The following UBE2R2 variants were observed in gnomAD, a reference collection of about 807,000 sequenced individuals.
UBE2R2 encodes ubiquitin-conjugating enzyme E2 R2.
Under a neutral mutation model 27.8 loss-of-function variants are expected in UBE2R2, and 1 was observed. That is an observed-to-expected ratio of 0.04 (90% confidence interval 0.01 to 0.17). The LOEUF (loss-of-function observed/expected upper bound fraction) is 0.17. Ranked by LOEUF, UBE2R2 falls within the 10% of genes least tolerant of loss-of-function variation. UBE2R2 has a pLI of 1.00. For synonymous variants in UBE2R2, 106 were observed against 113.3 expected (o/e 0.94, Z 0.41); for missense variants, 100 against 291.0 (o/e 0.34, Z 4.78).
chr9:33,893,363 G>A (rs76818103), intron 2 of UBE2R2, among the ~76,000 whole-genome samples: 1 of 152,266 alleles, frequency 6.6e-6, no homozygotes, highest in African/African-American at 2.4e-5. Context: ...CAATATTTTG[G>A]AGATTCATCC....
chr9:33,837,946 A>G lies in UBE2R2; in HGVS notation c.177+20012A>G, dbSNP rs139772390. Among the ~76,000 whole-genome samples the G allele has an allele frequency of 6.0e-3, 920 of 152,278 alleles. 12 individuals carry two copies. The highest frequency in any genetic ancestry group is 0.021 in the African/African-American group (883 of 41,546). ...TATATACAGATATATAGGTAAATAT[A>G]TATAGCTTATATAGAAGTATACATA... On this transcript the variant is annotated intron_variant, in intron 1 of 4. Coordinates refer to ENST00000263228, the MANE Select transcript of UBE2R2 (RefSeq NM_017811.4).
intron 2 of UBE2R2, among the ~76,000 whole-genome samples, chr9:33,889,132 T>C (rs1413152640): frequency 6.6e-6 from 1 of 152,216 alleles, no homozygotes; most frequent in Admixed American, 6.5e-5. Context: ...AATAATTCAT[T>C]GTTTCCTAAG....
At chr9:33,894,871 T>C (rs1227760312) in intron 2 of UBE2R2, among the ~76,000 whole-genome samples, 1 of 152,170 alleles carries the variant, frequency 6.6e-6, no homozygotes, top group East Asian at 1.9e-4. Context: ...CACTCCAGCC[T>C]GAGAGACAAA....
chr9:33,843,684 G>C (rs981107719), intron 1 of UBE2R2, among the ~76,000 whole-genome samples: 8 of 152,140 alleles, frequency 5.3e-5, no homozygotes, highest in South Asian at 2.1e-4. Flanking sequence ...TCACCATGTT[G>C]TCCAGGCTGA....
At chr9:33,909,469 C>T (rs115339175) in intron 3 of UBE2R2, among the ~76,000 whole-genome samples, 4,676 of 152,188 alleles carry the variant, frequency 0.031, 155 homozygotes, top group East Asian at 0.09. Context: ...GCCTGGGCGA[C>T]GAGTGAAACC....
intron 1 of UBE2R2, among the ~76,000 whole-genome samples, chr9:33,880,030 G>T (rs1821698257): frequency 6.6e-6 from 1 of 151,244 alleles, no homozygotes; most frequent in African/African-American, 2.4e-5. Flanking sequence ...GGACCTCAGG[G>T]GTGCACCATC....
chr9:33,858,286 G>A (rs532540795), intron 1 of UBE2R2, among the ~76,000 whole-genome samples: 102 of 152,232 alleles, frequency 6.7e-4, no homozygotes, highest in African/African-American at 2.3e-3. Context: ...GGAGAGACAG[G>A]AGACACCTTC....
chr9:33,897,146 C>G (rs1269021184), intron 2 of UBE2R2, among the ~76,000 whole-genome samples: 4 of 140,690 alleles, frequency 2.8e-5, no homozygotes, highest in Admixed American at 2.4e-4. Context: ...ACGCCATTCT[C>G]TTGCCTCAGC....
At chr9:33,915,352 T>C (rs1822616727) in intron 4 of UBE2R2, among the ~76,000 whole-genome samples, 2 of 152,302 alleles carry the variant, frequency 1.3e-5, no homozygotes, top group South Asian at 2.1e-4. Flanking sequence ...AGTCTACCTC[T>C]GCATATGGAA....
At chr9:33,834,698 G>A (rs908449839) in intron 1 of UBE2R2, among the ~76,000 whole-genome samples, 1 of 151,848 alleles carries the variant, frequency 6.6e-6, no homozygotes, top group South Asian at 2.1e-4. Flanking sequence ...ATCACCTGAG[G>A]TCAGGAGTTC....
At position 33,872,078 on chromosome 9, in the gene UBE2R2, T is replaced by C. The variant is rs201281273; in HGVS notation, c.178-14803T>C. Among the ~76,000 whole-genome samples, 5 of 151,876 alleles carry C rather than the reference T, an allele frequency of 3.3e-5. No individual in the cohort carries two copies. The East Asian group carries it at 9.7e-4, about 29-fold the overall frequency. ...TTTAAAACTTTACCTCATGAATAATTTTTTTTTAATTAAAGACTATTTTTT... is the reference window on the plus strand; with the variant it reads ...TTTAAAACTTTACCTCATGAATAATCTTTTTTTAATTAAAGACTATTTTTT... On this transcript the variant is annotated intron_variant, in intron 1 of 4. Coordinates refer to ENST00000263228, the MANE Select transcript of UBE2R2 (RefSeq NM_017811.4).
At chr9:33,863,113 G>A (rs927006555) in intron 1 of UBE2R2, among the ~76,000 whole-genome samples, 2 of 151,684 alleles carry the variant, frequency 1.3e-5, no homozygotes, top group East Asian at 1.9e-4. Flanking sequence ...CCTTGAACCC[G>A]GGAGGCAGAG....
chr9:33,818,180 T>G (rs1406162023), intron 1 of UBE2R2, among the ~76,000 whole-genome samples: 4 of 151,332 alleles, frequency 2.6e-5, no homozygotes, highest in Non-Finnish European at 5.9e-5. Flanking sequence ...TCGGAGAGCC[T>G]CTCTGGTTAG....
At chr9:33,853,534 C>T (rs1036502720) in intron 1 of UBE2R2, among the ~76,000 whole-genome samples, 22 of 152,084 alleles carry the variant, frequency 1.4e-4, no homozygotes, top group Non-Finnish European at 2.1e-4. Context: ...ATCCGCCCGC[C>T]TTGGCCTCCC....
intron 1 of UBE2R2, among the ~76,000 whole-genome samples, chr9:33,870,746 CA>C (rs1362586938): frequency 6.6e-6 from 1 of 152,160 alleles, no homozygotes; most frequent in Non-Finnish European, 1.5e-5. Flanking sequence ...GTTAATTTCA[CA>C]ACTGAGTGAA....
At chr9:33,883,591 C>CTGT (rs1821780571) in intron 1 of UBE2R2, among the ~76,000 whole-genome samples, 1 of 151,700 alleles carries the variant, frequency 6.6e-6, no homozygotes, top group Admixed American at 6.6e-5. Context: ...TGGCATGCCC[C>CTGT]TGTAGTCCCA....
chr9:33,818,384 T>C (rs1010770634), intron 1 of UBE2R2, among the ~76,000 whole-genome samples: 1 of 6,896 alleles, frequency 1.5e-4, no homozygotes, highest in African/African-American at 2.7e-4. Flanking sequence ...GGGGTGGGGG[T>C]GGGGTGGGGG....
chr9:33,908,669 A>T (rs913490864), intron 3 of UBE2R2, among the ~76,000 whole-genome samples: 33 of 152,206 alleles, frequency 2.2e-4, no homozygotes, highest in African/African-American at 7.7e-4. Context: ...CCATTTAAAA[A>T]TTTGTTTCCC....
intron 2 of UBE2R2, among the ~76,000 whole-genome samples, chr9:33,895,457 G>A (rs1363019455): frequency 6.6e-6 from 1 of 152,122 alleles, no homozygotes; most frequent in African/African-American, 2.4e-5. Context: ...GGTTGTCTTT[G>A]TAGTAATTTT....
Sources: gnomAD v4.1 joint callset for allele counts (sites outside exome capture counted in the v4.1 genomes callset) on GRCh38, gnomAD v4.1.1 for gene constraint, MANE v1.5 for transcripts, NCBI Gene and HGNC (gene_info 2026-07-23, HGNC 2026-07-21) for gene names.